Variants in SCHIP1 observed in about 807,000 individuals in gnomAD.
SCHIP1 encodes the protein schwannomin interacting protein 1, also known as schwannomin-interacting protein 1.
SCHIP1 carries 8 observed loss-of-function variants against 29.7 expected under a neutral mutation model. The ratio of observed to expected loss-of-function variants is 0.27; its 90% CI spans 0.16 to 0.49. The LOEUF is 0.49. Ranked by LOEUF, SCHIP1 falls within the 20% of genes least tolerant of loss-of-function variation. The pLI is 0.99. For synonymous variants in SCHIP1, 76 were observed against 94.9 expected (o/e 0.80, Z 1.16); for missense variants, 193 against 294.6 (o/e 0.66, Z 2.52).
At chr3:159,709,327 G>T in the SCHIP1 span, among the ~76,000 whole-genome samples, 1 of 152,166 alleles carries the variant, frequency 6.6e-6, no homozygotes, top group South Asian at 2.1e-4. Flanking sequence ...CTGTGATATT[G>T]TTCTAGTTTT....
chr3:159,408,573 A>C, the SCHIP1 span, among the ~76,000 whole-genome samples: 1 of 152,162 alleles, frequency 6.6e-6, no homozygotes, highest in African/African-American at 2.4e-5. Flanking sequence ...AACCTAGAAT[A>C]AATGGATACA....
chr3:159,587,654 G>A, the SCHIP1 span, among the ~76,000 whole-genome samples: 4 of 151,824 alleles, frequency 2.6e-5, no homozygotes, highest in African/African-American at 9.7e-5. Context: ...AGTGTGTAAT[G>A]TTCCCCTTCC....
chr3:159,892,805 T>C (rs1717674266), intron 6 of SCHIP1: 1 of 152,722 alleles, frequency 6.5e-6, no homozygotes, highest in Non-Finnish European at 1.5e-5. Flanking sequence ...TGCACTTCTT[T>C]GTAGATTTCC....
At chr3:159,405,442 AG>A in the SCHIP1 span, among the ~76,000 whole-genome samples, 1 of 152,268 alleles carries the variant, frequency 6.6e-6, no homozygotes, top group African/African-American at 2.4e-5. Context: ...AATGTAACAA[AG>A]AAATTGAATA....
the SCHIP1 span, among the ~76,000 whole-genome samples, chr3:159,823,481 G>GAT: frequency 6.6e-6 from 1 of 152,090 alleles, no homozygotes; most frequent in African/African-American, 2.4e-5. Flanking sequence ...TAATCCTATG[G>GAT]TAGAGCTCAG....
chr3:159,630,929 A>T, the SCHIP1 span, among the ~76,000 whole-genome samples: 28 of 152,324 alleles, frequency 1.8e-4, no homozygotes, highest in African/African-American at 5.1e-4. Context: ...GTGGTATTCA[A>T]ACCTCCTGAT....
the SCHIP1 span, among the ~76,000 whole-genome samples, chr3:159,592,818 G>C: frequency 6.6e-6 from 1 of 152,118 alleles, no homozygotes; most frequent in African/African-American, 2.4e-5. Flanking sequence ...GAAACAATAG[G>C]CCTGTGCTTG....
At chr3:159,402,508 A>G in the SCHIP1 span, among the ~76,000 whole-genome samples, 4 of 152,220 alleles carry the variant, frequency 2.6e-5, no homozygotes, top group African/African-American at 9.6e-5. Context: ...ATTATTCACA[A>G]TAGCAAAGAC....
the SCHIP1 span, among the ~76,000 whole-genome samples, chr3:159,720,381 TA>T: frequency 5.3e-3 from 801 of 150,948 alleles, 10 homozygotes; most frequent in Admixed American, 0.025. Flanking sequence ...ACTTAAAGTA[TA>T]AAAAAAAATT....
chr3:159,689,288 T>C, the SCHIP1 span, among the ~76,000 whole-genome samples: 6 of 152,334 alleles, frequency 3.9e-5, no homozygotes, highest in Middle Eastern at 0.01. Context: ...CAGTGGTTTG[T>C]AGTTCTCTTT....
the SCHIP1 span, among the ~76,000 whole-genome samples, chr3:159,319,636 T>A: frequency 6.6e-6 from 1 of 152,230 alleles, no homozygotes; most frequent in African/African-American, 2.4e-5. Context: ...TGGGCAGTGA[T>A]GTTAATATTT....
At chr3:159,692,129 C>T in the SCHIP1 span, among the ~76,000 whole-genome samples, 4 of 151,774 alleles carry the variant, frequency 2.6e-5, no homozygotes, top group South Asian at 4.2e-4. Context: ...CCCGGTAACC[C>T]GACCTTTCTC....
At chr3:159,561,581 T>C in the SCHIP1 span, among the ~76,000 whole-genome samples, 4 of 152,178 alleles carry the variant, frequency 2.6e-5, no homozygotes, top group Non-Finnish European at 5.9e-5. Context: ...TGAAATTGTG[T>C]TGTAAAACAC....
chr3:159,764,645 T>C, the SCHIP1 span: 4 of 1,604,142 alleles, frequency 2.5e-6, no homozygotes, highest in Admixed American at 5.1e-5. The surrounding 1 kb of genome is among the most constrained non-coding windows in gnomAD (Gnocchi z 6.1). Context: ...AAGAAGGTGA[T>C]TGATGAGTGG....
chr3:159,688,679 A>C, the SCHIP1 span, among the ~76,000 whole-genome samples: 1 of 152,154 alleles, frequency 6.6e-6, no homozygotes, highest in African/African-American at 2.4e-5. Context: ...GCCCATGCCT[A>C]TGTCCTGAAT....
intron 1 of SCHIP1, among the ~76,000 whole-genome samples, chr3:159,849,827 A>T (rs1340802571): frequency 6.6e-6 from 1 of 152,218 alleles, no homozygotes; most frequent in Non-Finnish European, 1.5e-5. Context: ...AGCACTATTA[A>T]TGTTTCCTAC....
At chr3:159,414,331 C>A in the SCHIP1 span, among the ~76,000 whole-genome samples, 1 of 152,156 alleles carries the variant, frequency 6.6e-6, no homozygotes, top group African/African-American at 2.4e-5. Flanking sequence ...CTAAGCCTCA[C>A]AGGGAGTTGA....
chr3:159,643,335 C>T, the SCHIP1 span, among the ~76,000 whole-genome samples: 1 of 152,076 alleles, frequency 6.6e-6, no homozygotes, highest in Admixed American at 6.6e-5. Context: ...TTTGCAATTT[C>T]TAAAACTGGA....
At chr3:159,651,389 C>G in the SCHIP1 span, among the ~76,000 whole-genome samples, 1 of 152,142 alleles carries the variant, frequency 6.6e-6, no homozygotes, top group South Asian at 2.1e-4. Flanking sequence ...GAAGTGTCCC[C>G]ATGCACTTGA....
Sources: allele counts gnomAD v4.1 joint callset (sites outside exome capture counted in the v4.1 genomes callset), GRCh38; gene constraint gnomAD v4.1.1; non-coding constraint Gnocchi (gnomAD v3.1); transcripts MANE v1.5; gene names NCBI Gene and HGNC (gene_info 2026-07-23, HGNC 2026-07-21).